The following ANKS1B variants were observed in gnomAD, a reference collection of about 807,000 sequenced individuals.
ANKS1B encodes ankyrin repeat and sterile alpha motif domain-containing protein 1B.
A neutral mutation model predicts 148.3 loss-of-function variants in ANKS1B; 36 were observed. The ratio of observed to expected loss-of-function variants is 0.24; its 90% confidence interval spans 0.19 to 0.32. The LOEUF (loss-of-function observed/expected upper bound fraction) is 0.32. Among genes scored for constraint, ANKS1B ranks in the 10% least tolerant of loss-of-function variants. ANKS1B has a pLI of 1.00. For missense variants in ANKS1B, 1,157 were observed against 1,542.6 expected (o/e 0.75, Z 4.19); for synonymous variants, 542 against 560.8 (o/e 0.97, Z 0.47).
chr12:99,180,007 C>T (rs965237042), intron 14 of ANKS1B, among the ~76,000 whole-genome samples: 5 of 151,984 alleles, frequency 3.3e-5, no homozygotes, highest in Non-Finnish European at 5.9e-5. Flanking sequence ...GAGAATGCTT[C>T]CTTCTATTTA....
intron 12 of ANKS1B, among the ~76,000 whole-genome samples, chr12:99,275,697 C>T (rs1303503878): frequency 6.6e-6 from 1 of 152,128 alleles, no homozygotes; most frequent in Non-Finnish European, 1.5e-5. Context: ...GGGGTATATA[C>T]CTGGCCACTT....
downstream of ANKS1B, among the ~76,000 whole-genome samples, chr12:98,741,497 C>G (rs1474934263): frequency 6.6e-6 from 1 of 152,160 alleles, no homozygotes; most frequent in Non-Finnish European, 1.5e-5. Flanking sequence ...CTTAGAAAAT[C>G]TGTGGACCCA....
intron 17 of ANKS1B, among the ~76,000 whole-genome samples, chr12:98,986,259 T>C (rs2153234240): frequency 6.6e-6 from 1 of 152,246 alleles, no homozygotes; most frequent in Middle Eastern, 3.4e-3. Flanking sequence ...TTTATTAATT[T>C]TAGAAATTCT....
intron 14 of ANKS1B, among the ~76,000 whole-genome samples, chr12:99,164,301 T>C (rs935174901): frequency 6.6e-6 from 1 of 152,190 alleles, no homozygotes; most frequent in Non-Finnish European, 1.5e-5. Context: ...TAATCTGAAG[T>C]TTTAAAATAC....
intron 17 of ANKS1B, among the ~76,000 whole-genome samples, chr12:98,967,751 T>TA (rs544792811): frequency 0.045 from 3,689 of 81,276 alleles, 111 homozygotes; most frequent in East Asian, 0.16. Flanking sequence ...CAGACAAATC[T>TA]AAAAAAAAAA....
chr12:99,572,939 GTAA>G (rs2097476367), intron 9 of ANKS1B, among the ~76,000 whole-genome samples: 1 of 151,944 alleles, frequency 6.6e-6, no homozygotes, highest in Non-Finnish European at 1.5e-5. Context: ...CATCATTTAA[GTAA>G]TAACATAATT....
At chr12:99,261,182 C>G (rs1269233685) in intron 12 of ANKS1B, among the ~76,000 whole-genome samples, 1 of 152,124 alleles carries the variant, frequency 6.6e-6, no homozygotes, top group Non-Finnish European at 1.5e-5. Context: ...TAGCCCTTAA[C>G]AATATCAGCA....
At chr12:99,780,491 C>T (rs2153632152) in intron 5 of ANKS1B, among the ~76,000 whole-genome samples, 1 of 151,774 alleles carries the variant, frequency 6.6e-6, no homozygotes, top group South Asian at 2.1e-4. Flanking sequence ...ACTGTGTTAG[C>T]AAGGATGGTC....
chr12:99,010,531 C>T (rs1568343927), intron 17 of ANKS1B, among the ~76,000 whole-genome samples: 1 of 152,052 alleles, frequency 6.6e-6, no homozygotes, highest in African/African-American at 2.4e-5. Flanking sequence ...CTCATTGAAA[C>T]CTCACATATT....
chr12:99,176,718 G>A (rs79975152), intron 14 of ANKS1B, among the ~76,000 whole-genome samples: 127 of 152,138 alleles, frequency 8.3e-4, no homozygotes, highest in African/African-American at 2.8e-3. Flanking sequence ...ATGAGATCTG[G>A]TCATTAAAAA....
chr12:98,736,242 AATC>A (rs2097772364), intron 9 of ANKS1B, among the ~76,000 whole-genome samples: 2 of 152,206 alleles, frequency 1.3e-5, no homozygotes, highest in Admixed American at 1.3e-4. Context: ...AAGCTTTTGT[AATC>A]ATCCGGACAA....
intron 10 of ANKS1B, among the ~76,000 whole-genome samples, chr12:99,452,801 G>A (rs899481825): frequency 6.6e-6 from 1 of 152,100 alleles, no homozygotes; most frequent in African/African-American, 2.4e-5. Flanking sequence ...AAATATACCG[G>A]GTTTGAACTT....
chr12:99,199,314 A>G (rs535960382), intron 14 of ANKS1B, among the ~76,000 whole-genome samples: 1 of 152,328 alleles, frequency 6.6e-6, no homozygotes, highest in East Asian at 1.9e-4. Flanking sequence ...TATTCTGCCT[A>G]TAGAATAAAA....
intron 12 of ANKS1B, among the ~76,000 whole-genome samples, chr12:99,254,515 C>T (rs1034800921): frequency 5.3e-5 from 8 of 152,150 alleles, no homozygotes; most frequent in Admixed American, 1.3e-4. Context: ...AGAAGAAAGT[C>T]ATATGTCTAA....
At chr12:99,709,429 C>T (rs1163669475) in intron 8 of ANKS1B, among the ~76,000 whole-genome samples, 1 of 152,072 alleles carries the variant, frequency 6.6e-6, no homozygotes, top group African/African-American at 2.4e-5. Flanking sequence ...AAGGAACTAA[C>T]TTTTATTAAA....
chr12:99,653,765 C>T (rs747519034), intron 9 of ANKS1B, among the ~76,000 whole-genome samples: 1 of 150,064 alleles, frequency 6.7e-6, no homozygotes, highest in Non-Finnish European at 1.5e-5. Context: ...TCAATGCAGC[C>T]TCAACCTCCC....
At chr12:99,197,526 G>C (rs561131474) in intron 14 of ANKS1B, among the ~76,000 whole-genome samples, 1 of 152,142 alleles carries the variant, frequency 6.6e-6, no homozygotes, top group African/African-American at 2.4e-5. Context: ...ATGTGATTAA[G>C]ATTAAGGACT....
chr12:98,954,435 T>C (rs2099859038), intron 17 of ANKS1B: 1 of 152,226 alleles, frequency 6.6e-6, no homozygotes, highest in Admixed American at 6.5e-5. Context: ...GCCAATGAGA[T>C]ACTGTTAAGA....
At chr12:99,384,443 T>TG (rs1222954023) in intron 12 of ANKS1B, among the ~76,000 whole-genome samples, 1 of 152,230 alleles carries the variant, frequency 6.6e-6, no homozygotes, top group Non-Finnish European at 1.5e-5. Context: ...CAAAGCTTTA[T>TG]GCTAGGTACT....
Sources: gnomAD v4.1 joint callset for allele counts (sites outside exome capture counted in the v4.1 genomes callset) on GRCh38, gnomAD v4.1.1 for gene constraint, MANE v1.5 for transcripts, NCBI Gene and HGNC (gene_info 2026-07-23, HGNC 2026-07-21) for gene names.